The following CHST9 variants were observed in gnomAD, a reference collection of about 807,000 sequenced individuals.
The protein encoded by CHST9 is carbohydrate sulfotransferase 9.
Under a neutral mutation model 44.4 loss-of-function variants are expected in CHST9, and 41 were observed. The observed-to-expected ratio is 0.92, with a 90% CI of 0.72 to 1.20. CHST9 has a LOEUF of 1.20. CHST9 is among the 50% of genes most tolerant of loss of function. CHST9 has a pLI of 0.00. For missense variants in CHST9, 504 were observed against 516.5 expected (o/e 0.98, Z 0.23); for synonymous variants, 171 against 178.4 (o/e 0.96, Z 0.33).
At chr18:27,028,565 T>G (rs2057307278) in intron 3 of CHST9, among the ~76,000 whole-genome samples, 1 of 152,088 alleles carries the variant, frequency 6.6e-6, no homozygotes, top group Non-Finnish European at 1.5e-5. Flanking sequence ...TTTTTTTTTT[T>G]GAGATGGAGT....
At chr18:27,110,142 CT>C (rs71171618) in intron 2 of CHST9, among the ~76,000 whole-genome samples, 1,543 of 143,442 alleles carry the variant, frequency 0.011, 11 homozygotes, top group Middle Eastern at 0.022. Flanking sequence ...TTAGCCCAGT[CT>C]TTTTTTTTTT....
chr18:27,108,500 G>A (rs533651092), intron 2 of CHST9, among the ~76,000 whole-genome samples: 1 of 152,152 alleles, frequency 6.6e-6, no homozygotes, highest in Non-Finnish European at 1.5e-5. Flanking sequence ...TTTAAAAGAC[G>A]GGATTTAGAT....
At chr18:27,083,548 T>C (rs1015354250) in intron 2 of CHST9, among the ~76,000 whole-genome samples, 1 of 152,196 alleles carries the variant, frequency 6.6e-6, no homozygotes, top group African/African-American at 2.4e-5. Context: ...GACTAATTTA[T>C]CCAAAGCCAA....
At chr18:27,089,741 G>A (rs56141117) in intron 2 of CHST9, among the ~76,000 whole-genome samples, 48,873 of 151,374 alleles carry the variant, frequency 0.32, 8,204 homozygotes, top group East Asian at 0.49. Flanking sequence ...GAACTAGTTT[G>A]CAGTCCCACC....
chr18:26,993,895 T>C (rs747919851), intron 4 of CHST9, among the ~76,000 whole-genome samples: 1 of 152,188 alleles, frequency 6.6e-6, no homozygotes, highest in African/African-American at 2.4e-5. Context: ...GTTCTGGAGG[T>C]TAGAAGTCCA....
Position 27,047,456 on chromosome 18 carries a change from C to T in CHST9, c.160+1009G>A, listed in dbSNP as rs547281505. Among the ~76,000 whole-genome samples the T allele has an allele frequency of 2.7e-5, 4 of 149,064 alleles. No individual in the cohort carries two copies. The South Asian group carries it at 8.4e-4, about 31-fold the overall frequency. ...GGCTTTAAAAGGTTCCCAGAGAATG[C>T]AAACAATAATATTTAACAGGAAATT... On this transcript the variant is annotated intron_variant, in intron 3 of 5. Transcript: ENST00000618847.
intron 2 of CHST9, among the ~76,000 whole-genome samples, chr18:27,054,904 C>CAT (rs973599916): frequency 1.3e-4 from 20 of 152,048 alleles, no homozygotes; most frequent in African/African-American, 4.3e-4. Flanking sequence ...TACACACACA[C>CAT]ATATATACTA....
chr18:27,085,061 G>A (rs1433383418), intron 2 of CHST9, among the ~76,000 whole-genome samples: 2 of 152,078 alleles, frequency 1.3e-5, no homozygotes, highest in Non-Finnish European at 2.9e-5. Context: ...TTATGGACAA[G>A]CATGTGGTCA....
intron 3 of CHST9, among the ~76,000 whole-genome samples, chr18:27,047,871 C>G (rs2057523468): frequency 1.3e-5 from 2 of 152,140 alleles, no homozygotes; most frequent in South Asian, 4.1e-4. Flanking sequence ...TACCTCACAA[C>G]TTTAAGCTAA....
intron 4 of CHST9, among the ~76,000 whole-genome samples, chr18:26,949,098 G>A (rs2056206931): frequency 6.6e-6 from 1 of 152,112 alleles, no homozygotes; most frequent in African/African-American, 2.4e-5. Flanking sequence ...ATTGAGTGGT[G>A]GTGTGGAGAC....
At chr18:27,169,843 G>A (rs1368221714) in intron 1 of CHST9, among the ~76,000 whole-genome samples, 3 of 151,944 alleles carry the variant, frequency 2.0e-5, no homozygotes, top group East Asian at 3.9e-4. Context: ...TCCTAACGTC[G>A]TGATCCTCCC....
chr18:27,045,047 A>G (rs1331647813), intron 3 of CHST9, among the ~76,000 whole-genome samples: 6 of 123,488 alleles, frequency 4.9e-5, no homozygotes, highest in South Asian at 2.3e-4. Context: ...TTGAGTTGAG[A>G]AAAAAAAAAA....
rs530498686 is a variant in CHST9, at chr18:27,118,428, T to C, written c.121+24261A>G. Among the ~76,000 whole-genome samples the C allele has an allele frequency of 2.0e-5, 3 of 152,334 alleles. No individual in the cohort carries two copies. In the South Asian group the frequency reaches 6.2e-4, roughly 32 times the overall value. ...TTATCAATTACTTCTCCCTACATTA[T>C]GTAGTAAGTTTATAAGCATCTTCAA... On this transcript the variant is annotated intron_variant, in intron 2 of 5. Transcript: ENST00000618847.
At chr18:26,928,973 G>A (rs1396398540) in intron 5 of CHST9, among the ~76,000 whole-genome samples, 2 of 152,142 alleles carry the variant, frequency 1.3e-5, no homozygotes, top group Admixed American at 6.6e-5. Context: ...TTTTTAAAGT[G>A]GGAATTCCAA....
At chr18:26,992,977 A>C (rs1469987865) in intron 4 of CHST9, among the ~76,000 whole-genome samples, 2 of 152,176 alleles carry the variant, frequency 1.3e-5, no homozygotes, top group East Asian at 3.9e-4. Flanking sequence ...CTGCAGGCAG[A>C]CACCCTAAAT....
chr18:27,139,961 C>A (rs1450693264), intron 2 of CHST9, among the ~76,000 whole-genome samples: 2 of 151,992 alleles, frequency 1.3e-5, no homozygotes, highest in East Asian at 3.9e-4. Flanking sequence ...TAATTATATG[C>A]CTACATAATC....
chr18:27,049,306 G>A (rs948056627), intron 2 of CHST9, among the ~76,000 whole-genome samples: 16 of 151,914 alleles, frequency 1.1e-4, no homozygotes, highest in African/African-American at 3.1e-4. Context: ...CAAGATGAGT[G>A]GTTAGCTAGG....
intron 2 of CHST9, among the ~76,000 whole-genome samples, chr18:27,073,092 A>G (rs907259920): frequency 6.6e-6 from 1 of 152,152 alleles, no homozygotes. Flanking sequence ...CTAATTGGCA[A>G]TGGGAATTTT....
At chr18:27,031,771 C>A (rs2057343172) in intron 3 of CHST9, among the ~76,000 whole-genome samples, 2 of 152,188 alleles carry the variant, frequency 1.3e-5, no homozygotes, top group African/African-American at 4.8e-5. Context: ...AAACAGCCCT[C>A]ATCCTTCTGT....
Sources: allele counts gnomAD v4.1 joint callset (sites outside exome capture counted in the v4.1 genomes callset), GRCh38; gene constraint gnomAD v4.1.1; transcripts MANE v1.5; gene names NCBI Gene and HGNC (gene_info 2026-07-23, HGNC 2026-07-21).